Variants in SYTL2 observed in about 807,000 individuals in gnomAD.
SYTL2 encodes synaptotagmin-like protein 2.
In SYTL2, 165 loss-of-function variants were observed where a neutral mutation model predicts 198.7. The observed-to-expected ratio is 0.83, with a 90% CI of 0.73 to 0.94. The LOEUF (loss-of-function observed/expected upper bound fraction) is 0.94, where lower values mean the gene tolerates loss of function less well. Among genes scored for constraint, SYTL2 ranks in the 40% least tolerant of loss-of-function variants. The pLI is 0.00. For missense variants in SYTL2, 2,835 were observed against 2,582.8 expected, an observed-to-expected ratio of 1.10 and a Z score of -2.12; for synonymous variants, 966 against 917.7, an observed-to-expected ratio of 1.05 and a Z score of -0.95.
intron 1 of SYTL2, among the ~76,000 whole-genome samples, chr11:85,806,121 A>G (rs1420915788): frequency 2.6e-5 from 4 of 152,206 alleles, no homozygotes; most frequent in African/African-American, 9.7e-5. Flanking sequence ...AATTAATTTA[A>G]ATTACTTATA....
In SYTL2 at chr11:85,709,425, T is replaced by C. The variant is rs1254207628; in HGVS notation, c.5821A>G (p.Ile1941Val). 1.1e-5 allele frequency: 18 copies of C among 1,614,162 alleles called. No individual in the cohort carries two copies. Among genetic ancestry groups the C allele is most frequent in the Admixed American group, 1.7e-5 (1 of 60,028 alleles). Reference protein sequence around the residue: ...LEVKGNIQFAIEYVESLKELH... With the variant: ...LEVKGNIQFAVEYVESLKELH... ...TCCTTCAGTGACTCCACATATTCAA[T>C]TGCAAACTGAATATTTCCTTTAACT... Residue 1941 changes from isoleucine (I) to valine (V), a missense_variant, in exon 14 of 20, where the codon ATT becomes GTT. Physicochemically the swap from Ile to Val is conservative, Grantham distance 29. Coordinates refer to ENST00000359152, the MANE Select transcript of SYTL2 (RefSeq NM_206927.4).
Position 85,725,925 on chromosome 11 carries a change from T to C in SYTL2, c.3433A>G (p.Thr1145Ala). ...CCACCAGAGGGTTGAATTGCTGGTG[T>C]TGAGGTTTCTGAAAGCAGTTTCTGC... Reference protein sequence around the residue: ...SLQKLLSETSTPAIQPSGGKV... With the variant: ...SLQKLLSETSAPAIQPSGGKV... Residue 1145 changes from threonine to alanine, a missense_variant, in exon 8 of 20, where the codon ACA (threonine) becomes GCA (alanine). This residue lies in a region of SYTL2 where 2,645 missense variants were observed against 2,381.7 expected (regional missense o/e 1.11). Transcript: ENST00000359152. The C allele has an allele frequency of 2.5e-6, 4 of 1,614,172 alleles. No homozygotes were observed. The highest frequency in any genetic ancestry group is 2.5e-6 in the Non-Finnish European group (3 of 1,180,000).
intron 1 of SYTL2, among the ~76,000 whole-genome samples, chr11:85,793,253 G>C (rs7949207): frequency 1.3e-5 from 2 of 150,688 alleles, no homozygotes; most frequent in African/African-American, 4.9e-5. Context: ...CAACAGTGTA[G>C]AAGTGTTCCT....
chr11:85,756,166 A>G (rs2091854531), intron 2 of SYTL2, among the ~76,000 whole-genome samples: 1 of 152,168 alleles, frequency 6.6e-6, no homozygotes, highest in African/African-American at 2.4e-5. Flanking sequence ...TAAACTGTCA[A>G]TGGGTAGAGG....
At chr11:85,815,624 C>T (rs182814231), upstream of SYTL2, among the ~76,000 whole-genome samples, 5 of 152,274 alleles carry the variant, frequency 3.3e-5, no homozygotes, top group Admixed American at 2.0e-4. Context: ...GTAGGAAGCG[C>T]AGCTATTAGT....
At chr11:85,718,275 T>C (rs1029972396) in intron 10 of SYTL2, 9 of 166,692 alleles carry the variant, frequency 5.4e-5, no homozygotes, top group Non-Finnish European at 5.3e-5. Flanking sequence ...GGCTCCATTA[T>C]ATTCAGAATC....
chr11:85,820,272 G>A, the SYTL2 span, among the ~76,000 whole-genome samples: 5 of 152,036 alleles, frequency 3.3e-5, no homozygotes, highest in Non-Finnish European at 7.4e-5. Context: ...TTTGAACAAC[G>A]ATTTAAATAT....
chr11:85,842,686 C>T, the SYTL2 span, among the ~76,000 whole-genome samples: 1 of 152,140 alleles, frequency 6.6e-6, no homozygotes, highest in Non-Finnish European at 1.5e-5. Context: ...CTGGGTGGGC[C>T]TGGATCTTGG....
chr11:85,744,260 C>T (rs554506546), intron 4 of SYTL2, among the ~76,000 whole-genome samples: 8 of 152,282 alleles, frequency 5.3e-5, no homozygotes, highest in Non-Finnish European at 8.8e-5. Flanking sequence ...GGCTAATTAA[C>T]TTCTCAGTAA....
intron 11 of SYTL2, 34 bp downstream of exon 11, chr11:85,717,449 T>G (rs1158563052): frequency 6.3e-7 from 1 of 1,578,374 alleles, no homozygotes; most frequent in Non-Finnish European, 8.7e-7. Context: ...AAGTGGAATG[T>G]TTAGTCATTT....
chr11:85,724,442 A>C lies in SYTL2; in HGVS notation c.4916T>G (p.Leu1639Trp), dbSNP rs1360150771. The C allele has an allele frequency of 1.2e-6, 2 of 1,611,554 alleles. No homozygotes were observed. The highest frequency in any genetic ancestry group is 1.7e-6 in the Non-Finnish European group (2 of 1,179,272). ...ESQVNQCDKM[L>W]GGDALVTDLL... is the part of the protein sequence containing the mutation. ...ATCAGTCACAAGTGCGTCTCCTCCC[A>C]ACATTTTATCACATTGGTTGACTTG... Residue 1639 changes from leucine (L) to tryptophan (W), a missense_variant, in exon 8 of 20, where the codon TTG becomes TGG. Coordinates refer to ENST00000359152, the MANE Select transcript of SYTL2 (RefSeq NM_206927.4).
In SYTL2 at chr11:85,727,145, C is replaced by G. The variant is rs199940366; in HGVS notation, c.2213G>C (p.Gly738Ala). Residue 738 changes from glycine (G) to alanine (A), a missense_variant, in exon 8 of 20, where the codon GGA (glycine) becomes GCA (alanine). Physicochemically the swap from Gly to Ala is moderately conservative, Grantham distance 60 (BLOSUM62 0). Coordinates refer to ENST00000359152, the MANE Select transcript of SYTL2 (RefSeq NM_206927.4). The stretch of plus-strand genomic sequence containing the variant: ...GGAGGCTTTCAGGATATAGGTATTT[C>G]CTACTTTGCTCTTTCTCTCTGCATT... ...NMNAERKSKV[G>A]NTYILKASLE... is the part of the protein sequence containing the mutation. 6.8e-3 allele frequency: 10,383 copies of G among 1,536,410 alleles called. 75 individuals are homozygous for G. Among genetic ancestry groups the G allele is most frequent in the Non-Finnish European group, 8.3e-3 (9,546 of 1,146,938 alleles).
the SYTL2 span, among the ~76,000 whole-genome samples, chr11:85,841,926 T>C: frequency 6.6e-6 from 1 of 152,248 alleles, no homozygotes; most frequent in Admixed American, 6.5e-5. Flanking sequence ...GGTACTACTT[T>C]CTGGCATTCT....
intron 1 of SYTL2, among the ~76,000 whole-genome samples, chr11:85,781,164 G>T (rs2092553516): frequency 1.3e-5 from 2 of 152,252 alleles, no homozygotes; most frequent in South Asian, 4.2e-4. Flanking sequence ...GGCTGGGGAG[G>T]CCTCAGGAAA....
At chr11:85,721,517 CA>C (rs1227437628) in intron 8 of SYTL2, among the ~76,000 whole-genome samples, 1 of 151,952 alleles carries the variant, frequency 6.6e-6, no homozygotes, top group Non-Finnish European at 1.5e-5. Flanking sequence ...TTTAGTAAGG[CA>C]TTTTAAAGTT....
At chr11:85,763,957 C>G (rs1192258253) in intron 1 of SYTL2, among the ~76,000 whole-genome samples, 11 of 152,244 alleles carry the variant, frequency 7.2e-5, no homozygotes, top group African/African-American at 2.7e-4. Flanking sequence ...ACCTCCCTCT[C>G]AGCAGAAAGA....
intron 1 of SYTL2, among the ~76,000 whole-genome samples, chr11:85,765,452 G>C (rs1392787376): frequency 2.6e-5 from 4 of 152,152 alleles, no homozygotes; most frequent in African/African-American, 9.7e-5. Flanking sequence ...GCCCAGGCTG[G>C]TCTCAAACTC....
chr11:85,844,738 A>C, the SYTL2 span, among the ~76,000 whole-genome samples: 1 of 149,510 alleles, frequency 6.7e-6, no homozygotes, highest in African/African-American at 2.6e-5. Flanking sequence ...TAGGCAAAAG[A>C]AAGATTGAAA....
At chr11:85,715,844 T>C (rs1565896554) in intron 11 of SYTL2, among the ~76,000 whole-genome samples, 1 of 152,210 alleles carries the variant, frequency 6.6e-6, no homozygotes, top group Non-Finnish European at 1.5e-5. Flanking sequence ...GTTATAACAT[T>C]GCACCCTACT....
Sources: allele counts gnomAD v4.1 joint callset (sites outside exome capture counted in the v4.1 genomes callset), GRCh38; gene constraint gnomAD v4.1.1; regional missense constraint gnomAD v4.1.1; transcripts MANE v1.5; gene names NCBI Gene and HGNC (gene_info 2026-07-23, HGNC 2026-07-21).